The following SLIT2 variants were observed in gnomAD, a reference collection of about 807,000 sequenced individuals.
The protein encoded by SLIT2 is slit guidance ligand 2, also known as slit homolog 2 protein.
In SLIT2, 41 loss-of-function variants were observed where a neutral mutation model predicts 185.7. The ratio of observed to expected loss-of-function variants is 0.22; its 90% confidence interval spans 0.17 to 0.29. The LOEUF (loss-of-function observed/expected upper bound fraction) is 0.29, where lower values mean the gene tolerates loss of function less well. SLIT2 is among the 10% of genes least tolerant of loss of function. SLIT2 has a pLI of 1.00. For synonymous variants in SLIT2, 693 were observed against 680.2 expected (o/e 1.02, Z -0.29); for missense variants, 1,571 against 1,909.0 (o/e 0.82, Z 3.30).
At chr4:20,610,335 G>A (rs1578019935) in intron 34 of SLIT2, among the ~76,000 whole-genome samples, 168 bp downstream of exon 34, 1 of 152,186 alleles carries the variant, frequency 6.6e-6, no homozygotes, top group East Asian at 1.9e-4. Context: ...CTAGGTGGGT[G>A]TTAAGGGATC....
rs111600469 is a variant in SLIT2, at chr4:20,254,359, T to G, written c.179+365T>G. On this transcript the variant is annotated intron_variant, in intron 1 of 36. Transcript: ENST00000504154. The surrounding 1 kb of genome is among the most constrained non-coding windows in gnomAD (Gnocchi z 5.1). ...TCCAGAGTCCATAAACGGAGTCACC[T>G]TGCGATTGCCAGCATCCAGGTCGGT... 1.4e-3 allele frequency among the ~76,000 whole-genome samples: 218 copies of G among 152,314 alleles called. No individual in the cohort carries two copies. Among genetic ancestry groups the G allele is most frequent in the African/African-American group, 4.7e-3 (196 of 41,580 alleles).
chr4:20,476,209 T>C (rs779011832), intron 5 of SLIT2, among the ~76,000 whole-genome samples: 5 of 152,148 alleles, frequency 3.3e-5, no homozygotes, highest in Non-Finnish European at 7.4e-5. Context: ...TATTGATATA[T>C]AGACATTTGT....
In SLIT2 at chr4:20,567,365, C is replaced by T. The variant is rs541090594; in HGVS notation, c.2829C>T (p.Cys943=). 8 of 1,613,166 alleles carry T rather than the reference C, an allele frequency of 5.0e-6. No homozygotes were observed. Among genetic ancestry groups the T allele is most frequent in the South Asian group, 3.3e-5 (3 of 91,034 alleles). ...CNSDPVDFYR[C]TCPYGFKGQD... is the part of the protein sequence containing the mutation. ...GTGATCCAGTTGACTTTTACCGATG[C>T]ACCTGTCCATATGGTTTCAAGGTAA... The change falls in exon 27 of 37, where the codon TGC becomes TGT. Residue 943 remains cysteine, a synonymous_variant. Coordinates refer to ENST00000504154, the MANE Select transcript of SLIT2 (RefSeq NM_004787.4).
intron 6 of SLIT2, among the ~76,000 whole-genome samples, chr4:20,485,280 G>A (rs1047842572): frequency 6.6e-6 from 1 of 151,930 alleles, no homozygotes; most frequent in African/African-American, 2.4e-5. Flanking sequence ...CTCCCCAGCT[G>A]GACTGTATGC....
chr4:20,502,387 A>G (rs888877976), intron 9 of SLIT2, among the ~76,000 whole-genome samples: 2 of 152,204 alleles, frequency 1.3e-5, no homozygotes, highest in African/African-American at 4.8e-5. Flanking sequence ...TACATACTCA[A>G]CAAAGATTTC....
At chr4:20,614,422 A>C (rs1010220039) in intron 34 of SLIT2, among the ~76,000 whole-genome samples, 1 of 152,044 alleles carries the variant, frequency 6.6e-6, no homozygotes, top group African/African-American at 2.4e-5. Flanking sequence ...TGATTGATTG[A>C]TTGGCTGATT....
intron 4 of SLIT2, among the ~76,000 whole-genome samples, chr4:20,322,056 A>G (rs1719137055): frequency 6.6e-6 from 1 of 152,154 alleles, no homozygotes; most frequent in Non-Finnish European, 1.5e-5. Flanking sequence ...AGATAGTTAT[A>G]AACATAGCTG....
intron 4 of SLIT2, among the ~76,000 whole-genome samples, chr4:20,445,862 G>A (rs1334291445): frequency 6.6e-6 from 1 of 152,154 alleles, no homozygotes; most frequent in Admixed American, 6.5e-5. Flanking sequence ...TGGTTTCCTT[G>A]AGTTCCTGAG....
rs115579996 is a variant in SLIT2 at position 20,320,223 on chromosome 4, A to G, written c.395+51342A>G. Among the ~76,000 whole-genome samples the G allele has an allele frequency of 6.6e-3, 1,005 of 152,238 alleles. 17 individuals carry two copies. The highest frequency in any genetic ancestry group is 0.023 in the African/African-American group (957 of 41,550). ...TGGATATTGTGACTATTTTATACCA[A>G]CTGCTATATTCCCAGCCCCAACATT... is the stretch of plus-strand genomic sequence containing the variant. On this transcript the variant is annotated intron_variant, in intron 4 of 36. Transcript: ENST00000504154.
chr4:20,504,202 A>G (rs1333709753), intron 9 of SLIT2, among the ~76,000 whole-genome samples: 2 of 152,166 alleles, frequency 1.3e-5, no homozygotes, highest in African/African-American at 4.8e-5. Flanking sequence ...TTTTCAAATG[A>G]TGGGCCAATC....
At chr4:20,420,531 T>G (rs925311469) in intron 4 of SLIT2, among the ~76,000 whole-genome samples, 3 of 152,122 alleles carry the variant, frequency 2.0e-5, no homozygotes, top group African/African-American at 7.2e-5. Context: ...TTTACAAACA[T>G]TGCCTAATTT....
At chr4:20,511,420 C>CTTTTTTTTTTTT (rs1040955182) in intron 11 of SLIT2, among the ~76,000 whole-genome samples, 3 of 122,058 alleles carry the variant, frequency 2.5e-5, no homozygotes, top group Non-Finnish European at 5.2e-5. Flanking sequence ...TTTTTTATTT[C>CTTTTTTTTTTTT]TTTTTTTTTT....
At chr4:20,488,504 C>T (rs1717468837) in intron 7 of SLIT2, among the ~76,000 whole-genome samples, 1 of 152,062 alleles carries the variant, frequency 6.6e-6, no homozygotes, top group African/African-American at 2.4e-5. Context: ...CATTGGCTCT[C>T]AGGATGTTGG....
intron 4 of SLIT2, among the ~76,000 whole-genome samples, chr4:20,319,362 TGA>T (rs1316162692): frequency 6.6e-6 from 1 of 152,178 alleles, no homozygotes; most frequent in African/African-American, 2.4e-5. Flanking sequence ...AGACAGGTGG[TGA>T]AATAAGATGT....
At chr4:20,511,601 T>A (rs574310995) in intron 11 of SLIT2, among the ~76,000 whole-genome samples, 15 of 144,278 alleles carry the variant, frequency 1.0e-4, no homozygotes, top group Middle Eastern at 3.4e-3. Flanking sequence ...TTTTTTTTTT[T>A]TTATTTTTGG....
Position 20,528,439 on chromosome 4 carries a change from T to A in SLIT2, c.1463-510T>A. ...GATTTTCCTGTCTCTTTCTACAAAA[T>A]CAAAATGAAAAAAGAGGGCTTTTTA... On this transcript the variant is annotated intron_variant, in intron 15 of 36. Coordinates refer to ENST00000504154, the MANE Select transcript of SLIT2 (RefSeq NM_004787.4). This position sits in a 1 kb window ranked among gnomAD's most constrained non-coding sequence, Gnocchi z 4.2. The A allele has an allele frequency of 6.0e-5, 29 of 480,416 alleles. No individual in the cohort carries two copies. The highest frequency in any genetic ancestry group is 4.0e-4 in the Admixed American group (17 of 42,656). The allele number at this position is 480,416 out of a possible 1,614,324, so 29.8% of individuals were successfully genotyped here. A position where few individuals can be genotyped will look rare whatever the true frequency, so the allele number is the denominator to read the frequency against.
At position 20,567,155 on chromosome 4, in the gene SLIT2, G is replaced by A; in HGVS notation, c.2726-107G>A. The A allele has an allele frequency of 3.0e-6, 3 of 999,696 alleles. No individual in the cohort carries two copies. The South Asian group carries it at 4.7e-5, about 16-fold the overall frequency. The allele number at this position is 999,696 out of a possible 1,614,324, so 61.9% of individuals were successfully genotyped here. On this transcript the variant is annotated intron_variant, in intron 26 of 36. Transcript: ENST00000504154. Reference sequence around the variant, plus strand: ...GGATGAGAGACACATATAGATATGTGACCAATAATAATTTTATATGAAATT... The same window carrying A: ...GGATGAGAGACACATATAGATATGTAACCAATAATAATTTTATATGAAATT...
chr4:20,320,941 A>G (rs1205408929), intron 4 of SLIT2, among the ~76,000 whole-genome samples: 1 of 152,104 alleles, frequency 6.6e-6, no homozygotes, highest in Non-Finnish European at 1.5e-5. Flanking sequence ...AGGCAAGCAG[A>G]TCACTTGAGG....
intron 5 of SLIT2, among the ~76,000 whole-genome samples, chr4:20,477,018 G>A (rs1716174179): frequency 1.3e-5 from 2 of 151,872 alleles, no homozygotes; most frequent in Non-Finnish European, 2.9e-5. Flanking sequence ...TGCACGTGAG[G>A]CATACAGTGG....
Sources: gnomAD v4.1 joint callset for allele counts (sites outside exome capture counted in the v4.1 genomes callset) on GRCh38, gnomAD v4.1.1 for gene constraint, Gnocchi (gnomAD v3.1) non-coding constraint, MANE v1.5 for transcripts, NCBI Gene and HGNC (gene_info 2026-07-23, HGNC 2026-07-21) for gene names.